MATK: variants seen among roughly 807,000 people sequenced by gnomAD.
MATK encodes the protein megakaryocyte-associated tyrosine kinase, also known as megakaryocyte-associated tyrosine-protein kinase.
Under a neutral mutation model 59.8 loss-of-function variants are expected in MATK, and 41 were observed. That is an observed-to-expected ratio of 0.69 (90% CI 0.53 to 0.89). The LOEUF is 0.89. MATK is among the 40% of genes least tolerant of loss of function. The probability of loss-of-function intolerance (pLI) is 0.00; values close to 1 mark genes in which losing one functional copy is unlikely to be tolerated. For missense variants in MATK, 593 were observed against 719.6 expected, an observed-to-expected ratio of 0.82 and a Z score of 2.01; for synonymous variants, 308 against 306.1, an observed-to-expected ratio of 1.01 and a Z score of -0.06.
chr19:3,779,100 G>A lies in MATK; in HGVS notation c.1089C>T (p.Asp363=), dbSNP rs750037878. Residue 363 remains aspartate (D), a synonymous_variant, in exon 12 of 14, where the codon GAC becomes GAT. Transcript: ENST00000310132. ...LAARNILVSE[D]LVAKVSDFGL... ...CAAAGTCGCTGACCTTGGCCACCAGGTCCTCTGAGACCAGGATGTTGCGGG... is the reference window on the plus strand; with the variant it reads ...CAAAGTCGCTGACCTTGGCCACCAGATCCTCTGAGACCAGGATGTTGCGGG... The A allele has an allele frequency of 6.2e-7, 1 of 1,610,498 alleles. No individual in the cohort carries two copies. The highest frequency in any genetic ancestry group is 8.5e-7 in the Non-Finnish European group (1 of 1,179,508).
At position 3,779,621 on chromosome 19, in the gene MATK, G is replaced by C; in HGVS notation, c.843-4C>G. 6.2e-7 allele frequency: 1 copy of C among 1,611,842 alleles called. No homozygotes were observed. The highest frequency in any genetic ancestry group is 8.5e-7 in the Non-Finnish European group (1 of 1,179,566). On this transcript the variant is annotated splice_region_variant and splice_polypyrimidine_tract_variant and intron_variant, in intron 9 of 13. Coordinates refer to ENST00000310132, the MANE Select transcript of MATK (RefSeq NM_139355.3). ...CAGGTTCTCGTGTTGCATCTTCCTGGGGGCGGTGGGGTGGGCGTGAGGGCA... is the reference window on the plus strand; with the variant it reads ...CAGGTTCTCGTGTTGCATCTTCCTGCGGGCGGTGGGGTGGGCGTGAGGGCA...
chr19:3,787,061 G>T (rs544547512), upstream of MATK, among the ~76,000 whole-genome samples: 4 of 152,320 alleles, frequency 2.6e-5, no homozygotes, highest in African/African-American at 9.6e-5. Context: ...CTGGCCCCCA[G>T]CGATGGCTTT....
At chr19:3,796,658 C>T (rs987691630) in intron 1 of MATK, among the ~76,000 whole-genome samples, 3 of 152,120 alleles carry the variant, frequency 2.0e-5, no homozygotes, top group African/African-American at 7.2e-5. Context: ...CTCCTACTGC[C>T]CAGCTGTGAT....
chr19:3,781,538 T>G, intron 8 of MATK, 69 bp downstream of exon 8: 1 of 1,520,646 alleles, frequency 6.6e-7, no homozygotes, highest in Non-Finnish European at 9.1e-7. Context: ...AATTCAGCTC[T>G]GTGACTCCAA....
chr19:3,783,298 C>CTGGGTGGGG (rs1311980999), intron 6 of MATK, 79 bp from the exon 7 acceptor site: 1 of 111,988 alleles, frequency 8.9e-6, no homozygotes, highest in Non-Finnish European at 2.0e-5. Flanking sequence ...CGGGTGGCCT[C>CTGGGTGGGG]TGGGTGGGGT....
At chr19:3,780,759 C>T (rs1197762018) in intron 8 of MATK, among the ~76,000 whole-genome samples, 1 of 150,554 alleles carries the variant, frequency 6.6e-6, no homozygotes, top group African/African-American at 2.4e-5. Flanking sequence ...AATATTGATA[C>T]AGGGTCTCAC....
chr19:3,795,212 C>T (rs2037582776), intron 1 of MATK, among the ~76,000 whole-genome samples: 1 of 150,046 alleles, frequency 6.7e-6, no homozygotes, highest in South Asian at 2.1e-4. Context: ...CTCCTGACCT[C>T]GTGATCCGCC....
upstream of MATK, among the ~76,000 whole-genome samples, chr19:3,790,742 C>G (rs770080141): frequency 6.6e-6 from 1 of 152,240 alleles, no homozygotes; most frequent in Non-Finnish European, 1.5e-5. Flanking sequence ...CAAGCTCACT[C>G]TCCCACACAC....
At position 3,786,086 on chromosome 19, in the gene MATK, G is replaced by A. The variant is rs1460404044; in HGVS notation, c.-152+83C>T. On this transcript the variant is annotated intron_variant, in intron 1 of 13. Coordinates refer to ENST00000310132, the MANE Select transcript of MATK (RefSeq NM_139355.3). This position sits in a 1 kb window ranked among gnomAD's most constrained non-coding sequence, Gnocchi z 4.1. ...ACCGGCCCTTCCTGCGCACGTCCCG[G>A]GCCCACCCCCGCCTAGAGCCCTCGG... 7.0e-6 allele frequency: 4 copies of A among 567,614 alleles called. No individual in the cohort carries two copies. Among genetic ancestry groups the A allele is most frequent in the Non-Finnish European group, 8.9e-6 (4 of 447,970 alleles). 35.2% of individuals were successfully genotyped at this position (567,614 alleles called of 1,614,324 possible). A position where few individuals can be genotyped will look rare whatever the true frequency, so the allele number is the denominator to read the frequency against.
chr19:3,798,260 TTTCTC>T (rs1375934820), intron 1 of MATK, among the ~76,000 whole-genome samples: 2 of 151,998 alleles, frequency 1.3e-5, no homozygotes, highest in Admixed American at 1.3e-4. Flanking sequence ...TTACTTTTCT[TTTCTC>T]TTTGTGGGTT....
In MATK at chr19:3,785,085, A is replaced by ATCACAG. The variant is rs745423248; in HGVS notation, c.45_50dup (p.Cys16_Asp17dup). 5.7e-5 allele frequency: 92 copies of ATCACAG among 1,613,944 alleles called. No individual in the cohort carries two copies. The highest frequency in any genetic ancestry group is 3.2e-4 in the Admixed American group (19 of 59,996). The stretch of plus-strand genomic sequence containing the variant: ...TTACCCGGGGAAGTTCCTCAGCAGA[A>ATCACAG]TCACAGCCGTGAAATGCCCGCCAGG... On this transcript the variant is annotated inframe_insertion, in exon 2 of 14. Transcript: ENST00000310132.
Position 3,779,184 on chromosome 19 carries a change from G to A in MATK, c.1005C>T (p.His335=), listed in dbSNP as rs374812538. Residue 335 remains histidine, a synonymous_variant, in exon 12 of 14, where the codon CAC becomes CAT. Transcript: ENST00000310132. ...CCAGGTACTCCATGCCCTCGGCCAC[G>A]TGCCTGGGGGTAGTAGGGGGCAGTG... ...NTAQLLQFSL[H]VAEGMEYLES... is the part of the protein sequence containing the mutation. 45 of 1,583,502 alleles carry A rather than the reference G, an allele frequency of 2.8e-5. No homozygotes were observed. Among genetic ancestry groups the A allele is most frequent in the African/African-American group, 5.4e-5 (4 of 74,202 alleles).
chr19:3,789,862 T>C (rs942243607), upstream of MATK, among the ~76,000 whole-genome samples: 3 of 151,876 alleles, frequency 2.0e-5, no homozygotes, highest in Non-Finnish European at 4.4e-5. Context: ...GTAGCTGGGA[T>C]TACAGGTGCG....
At chr19:3,784,719 AGGGGGTAG>A (rs1341445123) in intron 3 of MATK, 98 bp downstream of exon 3, 1 of 769,954 alleles carries the variant, frequency 1.3e-6, no homozygotes, top group Non-Finnish European at 2.2e-6. Context: ...GGCCAGCAGA[AGGGGGTAG>A]GGGGCAGAGA....
At chr19:3,793,113 C>A (rs895234593) in intron 1 of MATK, 2 of 152,278 alleles carry the variant, frequency 1.3e-5, no homozygotes, top group Admixed American at 6.5e-5. Context: ...TTCTCGATTC[C>A]TTGAACGAAG....
At chr19:3,794,604 A>G (rs1050495088) in intron 1 of MATK, among the ~76,000 whole-genome samples, 1 of 152,154 alleles carries the variant, frequency 6.6e-6, no homozygotes, top group African/African-American at 2.4e-5. Context: ...GCAGTCAGCT[A>G]TGATTATGCT....
At chr19:3,782,255 G>A (rs1440809067) in intron 7 of MATK, among the ~76,000 whole-genome samples, 1 of 152,110 alleles carries the variant, frequency 6.6e-6, no homozygotes, top group African/African-American at 2.4e-5. Flanking sequence ...CCCCTCCACT[G>A]CCCTCTGGTC....
At chr19:3,789,246 A>T, upstream of MATK, 1 of 770,046 alleles carries the variant, frequency 1.3e-6, no homozygotes, top group Non-Finnish European at 2.4e-6. Flanking sequence ...TGCAGCGGAA[A>T]ACCCAGCCGC....
chr19:3,801,458 T>G (rs1396609065), intron 1 of MATK: 1 of 152,514 alleles, frequency 6.6e-6, no homozygotes, highest in Non-Finnish European at 1.5e-5. Context: ...CTTCCGTTTT[T>G]GTCTTTCCAG....
Sources: gnomAD v4.1 joint callset for allele counts (sites outside exome capture counted in the v4.1 genomes callset) on GRCh38, gnomAD v4.1.1 for gene constraint, Gnocchi (gnomAD v3.1) non-coding constraint, MANE v1.5 for transcripts, NCBI Gene and HGNC (gene_info 2026-07-23, HGNC 2026-07-21) for gene names.